The following SV2C variants were observed in gnomAD, a reference collection of about 807,000 sequenced individuals.
SV2C encodes the protein solute carrier family 22 member B3.
SV2C carries 49 observed loss-of-function variants against 79.7 expected under a neutral mutation model. The ratio of observed to expected loss-of-function variants is 0.61; its 90% CI spans 0.49 to 0.78. The LOEUF (loss-of-function observed/expected upper bound fraction) is 0.78. Ranked by LOEUF, SV2C falls within the 30% of genes least tolerant of loss-of-function variation. SV2C has a pLI of 0.00. For missense variants in SV2C, 833 were observed against 912.9 expected, an observed-to-expected ratio of 0.91 and a Z score of 1.13; for synonymous variants, 334 against 333.2, an observed-to-expected ratio of 1.00 and a Z score of -0.03.
chr5:76,283,887 G>A (rs570576057), intron 4 of SV2C, among the ~76,000 whole-genome samples: 2 of 152,266 alleles, frequency 1.3e-5, no homozygotes, highest in Admixed American at 1.3e-4. Flanking sequence ...TCAGCTCTGT[G>A]GCCTTGAGGA....
chr5:76,035,512 G>C, the SV2C span, among the ~76,000 whole-genome samples: 20 of 152,236 alleles, frequency 1.3e-4, no homozygotes, highest in East Asian at 3.9e-3. Flanking sequence ...TATGTACCCA[G>C]TAGTCATTCA....
chr5:76,043,841 A>G, the SV2C span, among the ~76,000 whole-genome samples: 5 of 152,228 alleles, frequency 3.3e-5, no homozygotes, highest in Non-Finnish European at 7.3e-5. Flanking sequence ...TTAGCAATGT[A>G]ACATCAGGCA....
the SV2C span, among the ~76,000 whole-genome samples, chr5:75,965,571 A>G: frequency 6.6e-6 from 1 of 152,178 alleles, no homozygotes; most frequent in African/African-American, 2.4e-5. Flanking sequence ...TGTATTTCTC[A>G]GCCTCCAGAA....
intron 8 of SV2C, 58 bp downstream of exon 8, chr5:76,291,914 C>T (rs1005944961): frequency 4.8e-6 from 6 of 1,252,322 alleles, no homozygotes; most frequent in Non-Finnish European, 6.9e-6. Flanking sequence ...ATTGTAACTC[C>T]TAGCCATGCT....
the SV2C span, among the ~76,000 whole-genome samples, chr5:75,908,620 TG>T: frequency 6.6e-5 from 10 of 152,332 alleles, no homozygotes; most frequent in East Asian, 1.9e-3. Context: ...TTTCACTTGA[TG>T]GTGGCTCAGG....
At chr5:76,134,961 C>A (rs968768296) in intron 2 of SV2C, among the ~76,000 whole-genome samples, 1 of 152,152 alleles carries the variant, frequency 6.6e-6, no homozygotes, top group African/African-American at 2.4e-5. Context: ...GGAGAAATCA[C>A]AAATGAGTAG....
intron 2 of SV2C, among the ~76,000 whole-genome samples, chr5:76,139,318 G>T (rs527498527): frequency 6.6e-6 from 1 of 152,118 alleles, no homozygotes; most frequent in South Asian, 2.1e-4. Context: ...GACATCCTTG[G>T]CCTGGGATTT....
At chr5:75,858,338 T>G in the SV2C span, among the ~76,000 whole-genome samples, 1 of 152,224 alleles carries the variant, frequency 6.6e-6, no homozygotes, top group Admixed American at 6.5e-5. Flanking sequence ...ATCAAATGAC[T>G]GTTCAGCATC....
Position 76,210,027 on chromosome 5 carries a change from GT to G in SV2C, c.913+145del, listed in dbSNP as rs536925161. 2.7e-4 allele frequency: 282 copies of G among 1,050,678 alleles called. No homozygotes were observed. In the African/African-American group the frequency reaches 4.0e-3, roughly 15 times the overall value. The allele number at this position is 1,050,678 out of a possible 1,614,324, so 65.1% of individuals were successfully genotyped here. A position where few individuals can be genotyped will look rare whatever the true frequency, so the allele number is the denominator to read the frequency against. On this transcript the variant is annotated intron_variant, in intron 4 of 12. Transcript: ENST00000502798. ...TTTCTCCCTTTCATAGTGTCCAGGAGTTTTTCCCCTCTGTGTAGAGATCTGT... is the reference window on the plus strand; with the variant it reads ...TTTCTCCCTTTCATAGTGTCCAGGAGTTTTCCCCTCTGTGTAGAGATCTGT...
intron 12 of SV2C, among the ~76,000 whole-genome samples, chr5:76,312,040 C>G (rs1748460152): frequency 6.6e-6 from 1 of 152,182 alleles, no homozygotes; most frequent in Non-Finnish European, 1.5e-5. Context: ...CCATCAGGGT[C>G]CCTACTTTTC....
At position 76,159,219 on chromosome 5, in the gene SV2C, C is replaced by A. The variant is rs528622252; in HGVS notation, c.580+26889C>A. Among the ~76,000 whole-genome samples, 11 of 152,144 alleles carry A rather than the reference C, an allele frequency of 7.2e-5. No individual in the cohort carries two copies. In the South Asian group the frequency reaches 2.3e-3, roughly 32 times the overall value. On this transcript the variant is annotated intron_variant, in intron 2 of 12. Transcript: ENST00000502798. ...GATACTTTTTCTCTAAGATCAGGAACAAGACAAAGATGCCCACTCTTGCTA... is the reference window on the plus strand; with the variant it reads ...GATACTTTTTCTCTAAGATCAGGAAAAAGACAAAGATGCCCACTCTTGCTA...
chr5:76,225,809 A>G (rs1184764433), intron 4 of SV2C, among the ~76,000 whole-genome samples: 2 of 152,236 alleles, frequency 1.3e-5, no homozygotes, highest in Non-Finnish European at 2.9e-5. Flanking sequence ...TGCCTCCATT[A>G]CAGCTAAACA....
the SV2C span, among the ~76,000 whole-genome samples, chr5:75,920,508 G>C: frequency 6.6e-6 from 1 of 152,176 alleles, no homozygotes; most frequent in African/African-American, 2.4e-5. Context: ...AGTGGGCTAA[G>C]CGGGGAACAG....
downstream of SV2C, among the ~76,000 whole-genome samples, chr5:76,335,798 T>C (rs1580085468): frequency 1.3e-5 from 2 of 152,194 alleles, no homozygotes; most frequent in African/African-American, 4.8e-5. Flanking sequence ...CAGAACAAAA[T>C]GAAAAGTCTC....
Position 76,175,364 on chromosome 5 carries a change from G to A in SV2C, c.581-19555G>A, listed in dbSNP as rs146130820. On this transcript the variant is annotated intron_variant, in intron 2 of 12. Transcript: ENST00000502798. ...GACGAGATTTTACTCAAATGGCCCA[G>A]GGGTTAGGTATAATTCAATTAAAAA... Among the ~76,000 whole-genome samples the A allele has an allele frequency of 1.0e-3, 158 of 152,314 alleles. 1 individual carries two copies. Among genetic ancestry groups the A allele is most frequent in the Admixed American group, 2.7e-3 (41 of 15,304 alleles).
At chr5:76,339,534 G>A (rs1749398069) in intron 12 of SV2C, among the ~76,000 whole-genome samples, 1 of 152,080 alleles carries the variant, frequency 6.6e-6, no homozygotes, top group African/African-American at 2.4e-5. Context: ...CTAACAAGGT[G>A]AAACTCTGTC....
At chr5:76,210,774 A>G (rs1431030637) in intron 4 of SV2C, among the ~76,000 whole-genome samples, 1 of 152,210 alleles carries the variant, frequency 6.6e-6, no homozygotes, top group Non-Finnish European at 1.5e-5. Context: ...TCAGGAGCCC[A>G]CCAACAGTTG....
the SV2C span, among the ~76,000 whole-genome samples, chr5:75,865,077 C>T: frequency 6.6e-6 from 1 of 152,198 alleles, no homozygotes; most frequent in South Asian, 2.1e-4. Context: ...GCAGCACAGA[C>T]TTAACACACT....
the SV2C span, among the ~76,000 whole-genome samples, chr5:75,988,650 T>C: frequency 1.3e-5 from 2 of 151,816 alleles, 1 homozygote; most frequent in South Asian, 4.1e-4. Flanking sequence ...GGTCAAGTGT[T>C]AGGTGGATCA....
Sources: allele counts gnomAD v4.1 joint callset (sites outside exome capture counted in the v4.1 genomes callset), GRCh38; gene constraint gnomAD v4.1.1; transcripts MANE v1.5; gene names NCBI Gene and HGNC (gene_info 2026-07-23, HGNC 2026-07-21).